The following THSD7B variants were observed in gnomAD, a reference collection of about 807,000 sequenced individuals.
THSD7B encodes thrombospondin type 1 domain containing 7B, also known as thrombospondin type-1 domain-containing protein 7B.
In THSD7B, 138 loss-of-function variants were observed where a neutral mutation model predicts 213.6. The observed-to-expected ratio is 0.65, with a 90% CI of 0.56 to 0.74. THSD7B has a LOEUF of 0.74. Ranked by LOEUF, THSD7B falls within the 30% of genes least tolerant of loss-of-function variation. The pLI, the probability that THSD7B is intolerant of heterozygous loss-of-function variation, is 0.00. For missense variants in THSD7B, 1,931 were observed against 1,991.5 expected, an observed-to-expected ratio of 0.97 and a Z score of 0.58; for synonymous variants, 742 against 687.0, an observed-to-expected ratio of 1.08 and a Z score of -1.25.
intron 2 of THSD7B, among the ~76,000 whole-genome samples, chr2:137,035,537 A>G (rs991904170): frequency 3.9e-5 from 6 of 151,994 alleles, no homozygotes; most frequent in African/African-American, 1.5e-4. Context: ...GGGAGTGGAA[A>G]GGGATAGTGT....
At chr2:137,381,112 G>A (rs1259558600) in intron 12 of THSD7B, among the ~76,000 whole-genome samples, 1 of 152,206 alleles carries the variant, frequency 6.6e-6, no homozygotes, top group Non-Finnish European at 1.5e-5. Flanking sequence ...CAGGATTTCA[G>A]AGTGAGTGAG....
intron 14 of THSD7B, among the ~76,000 whole-genome samples, chr2:137,422,282 A>G (rs1457730693): frequency 6.6e-6 from 1 of 152,242 alleles, no homozygotes; most frequent in Non-Finnish European, 1.5e-5. Flanking sequence ...ACAACATTAT[A>G]TAAAATTAGT....
intron 2 of THSD7B, among the ~76,000 whole-genome samples, chr2:136,908,262 A>T (rs1664525414): frequency 1.3e-5 from 2 of 152,220 alleles, no homozygotes; most frequent in South Asian, 4.1e-4. Context: ...ATGTGGTAGA[A>T]ATAGCAGCAA....
intron 15 of THSD7B, among the ~76,000 whole-genome samples, chr2:137,461,744 C>T (rs1010667502): frequency 6.6e-6 from 1 of 152,064 alleles, no homozygotes; most frequent in African/African-American, 2.4e-5. Flanking sequence ...GACCCCTCCC[C>T]AATAACACTT....
At chr2:137,227,703 C>T (rs1187011273) in intron 7 of THSD7B, among the ~76,000 whole-genome samples, 1 of 152,098 alleles carries the variant, frequency 6.6e-6, no homozygotes, top group East Asian at 1.9e-4. Context: ...GATTAGCCAA[C>T]CATGTCAATA....
chr2:137,670,996 A>G (rs572115626), intron 27 of THSD7B, among the ~76,000 whole-genome samples: 3 of 151,932 alleles, frequency 2.0e-5, no homozygotes, highest in South Asian at 4.1e-4. Flanking sequence ...ATTTTATTCA[A>G]TGTCTACATC....
chr2:137,315,320 A>G (rs946591781), intron 12 of THSD7B, among the ~76,000 whole-genome samples: 5 of 152,034 alleles, frequency 3.3e-5, no homozygotes, highest in African/African-American at 7.2e-5. Flanking sequence ...GAACTCCCTG[A>G]CCCCTTGAGC....
chr2:137,413,404 G>C (rs752583203), intron 14 of THSD7B, among the ~76,000 whole-genome samples: 2 of 152,192 alleles, frequency 1.3e-5, no homozygotes, highest in African/African-American at 4.8e-5. Flanking sequence ...GGAGTTTACT[G>C]TCCAGAGGGG....
chr2:137,193,752 T>C (rs1178538393), intron 7 of THSD7B, among the ~76,000 whole-genome samples: 1 of 151,872 alleles, frequency 6.6e-6, no homozygotes, highest in African/African-American at 2.4e-5. Flanking sequence ...TAAACTGGAA[T>C]ATAAAAGCCA....
At chr2:136,885,987 G>A (rs1683710147) in intron 2 of THSD7B, among the ~76,000 whole-genome samples, 1 of 152,044 alleles carries the variant, frequency 6.6e-6, no homozygotes, top group African/African-American at 2.4e-5. Flanking sequence ...GGGAAGTGAG[G>A]GAGCCAGCTG....
intron 17 of THSD7B, among the ~76,000 whole-genome samples, chr2:137,585,663 T>C (rs984489249): frequency 6.6e-6 from 1 of 152,210 alleles, no homozygotes; most frequent in Non-Finnish European, 1.5e-5. Flanking sequence ...GTGAGTTTCT[T>C]AATCCTGAGT....
chr2:137,630,265 G>T (rs1470480546), intron 20 of THSD7B, among the ~76,000 whole-genome samples: 1 of 152,144 alleles, frequency 6.6e-6, no homozygotes, highest in Admixed American at 6.5e-5. Context: ...AAGTGCTGGG[G>T]TTATAGGCAT....
At chr2:137,258,456 A>G (rs1011639737) in intron 10 of THSD7B, among the ~76,000 whole-genome samples, 3 of 152,122 alleles carry the variant, frequency 2.0e-5, no homozygotes, top group Non-Finnish European at 2.9e-5. Context: ...GCCTTGGCAC[A>G]TAATACCAGC....
chr2:137,606,294 T>C (rs768084585), intron 17 of THSD7B, among the ~76,000 whole-genome samples: 6 of 152,290 alleles, frequency 3.9e-5, no homozygotes, highest in Middle Eastern at 3.4e-3. Context: ...CTAGAAAGAA[T>C]GGACCTAGAT....
Position 137,403,262 on chromosome 2 carries a change from C to T in THSD7B, c.2501-2351C>T, listed in dbSNP as rs535881271. On this transcript the variant is annotated intron_variant, in intron 12 of 27. Coordinates refer to ENST00000409968, the MANE Select transcript of THSD7B (RefSeq NM_001316349.2). ...GTTCTAAAGCATTAGATGGGTTTGG[C>T]TTTCACCAGTTCTAAAAAAAAATAA... Among the ~76,000 whole-genome samples, 146 of 152,070 alleles carry T rather than the reference C, an allele frequency of 9.6e-4. 2 individuals carry two copies. Among genetic ancestry groups the T allele is most frequent in the African/African-American group, 3.4e-3 (143 of 41,486 alleles).
intron 2 of THSD7B, among the ~76,000 whole-genome samples, chr2:136,958,578 G>A (rs1330312424): frequency 6.6e-6 from 1 of 152,178 alleles, no homozygotes; most frequent in Non-Finnish European, 1.5e-5. Context: ...CAGAGGAAAG[G>A]GAGAACAAGG....
chr2:137,491,540 C>A (rs930429583), intron 15 of THSD7B, among the ~76,000 whole-genome samples: 1 of 152,172 alleles, frequency 6.6e-6, no homozygotes, highest in African/African-American at 2.4e-5. Flanking sequence ...CCCTTCATCT[C>A]AATATTTTTA....
chr2:137,386,243 T>C (rs1685890246), intron 12 of THSD7B, among the ~76,000 whole-genome samples: 1 of 152,220 alleles, frequency 6.6e-6, no homozygotes, highest in African/African-American at 2.4e-5. Context: ...GTCCCAGTGC[T>C]GTGCTCTTGC....
chr2:136,823,463 C>A (rs530795619), intron 1 of THSD7B, among the ~76,000 whole-genome samples: 1 of 152,274 alleles, frequency 6.6e-6, no homozygotes, highest in South Asian at 2.1e-4. Context: ...GATCGGTTAA[C>A]CTTTTCTCCC....
Sources: gnomAD v4.1 joint callset for allele counts (sites outside exome capture counted in the v4.1 genomes callset) on GRCh38, gnomAD v4.1.1 for gene constraint, MANE v1.5 for transcripts, NCBI Gene and HGNC (gene_info 2026-07-23, HGNC 2026-07-21) for gene names.